The following PREX1 variants were observed in gnomAD, a reference collection of about 807,000 sequenced individuals.
PREX1 encodes the protein phosphatidylinositol 3,4,5-trisphosphate-dependent Rac exchanger 1 protein.
In PREX1, 41 loss-of-function variants were observed where a neutral mutation model predicts 198.3. That is an observed-to-expected ratio of 0.21 (90% CI 0.16 to 0.27). The LOEUF is 0.27. PREX1 is among the 10% of genes least tolerant of loss of function. PREX1 has a pLI of 1.00. For missense variants in PREX1, 1,620 were observed against 2,200.7 expected, an observed-to-expected ratio of 0.74 and a Z score of 5.28; for synonymous variants, 843 against 887.2, an observed-to-expected ratio of 0.95 and a Z score of 0.89.
chr20:48,632,992 C>T (rs2089327846), intron 33 of PREX1, among the ~76,000 whole-genome samples: 1 of 152,238 alleles, frequency 6.6e-6, no homozygotes, highest in Non-Finnish European at 1.5e-5. Flanking sequence ...CCCCAGCGCT[C>T]CTTGTACCCT....
chr20:48,810,061 G>A lies in PREX1; in HGVS notation c.219+17581C>T, dbSNP rs180834170. 2.0e-3 allele frequency among the ~76,000 whole-genome samples: 300 copies of A among 152,280 alleles called. 5 individuals carry two copies. The highest frequency in any genetic ancestry group is 7.0e-3 in the African/African-American group (291 of 41,552). On this transcript the variant is annotated intron_variant, in intron 1 of 39. Transcript: ENST00000371941. ...CTATAGGAGCTGGGCAGGTAACAGG[G>A]AATGCTGTGCGCGGCTCCTTAGTAA...
At chr20:48,740,806 G>C (rs1285364973) in intron 3 of PREX1, among the ~76,000 whole-genome samples, 1 of 152,200 alleles carries the variant, frequency 6.6e-6, no homozygotes, top group Non-Finnish European at 1.5e-5. Flanking sequence ...GCTCAAGGAG[G>C]GTCTTAGCTG....
intron 13 of PREX1, 145 bp from the exon 14 acceptor site, chr20:48,676,413 A>G: frequency 1.4e-6 from 1 of 725,898 alleles, no homozygotes; most frequent in Non-Finnish European, 2.4e-6. Context: ...GTCTCAGCCC[A>G]GACTCCACAC....
intron 3 of PREX1, among the ~76,000 whole-genome samples, chr20:48,735,119 G>A (rs987131160): frequency 1.3e-5 from 2 of 152,212 alleles, no homozygotes; most frequent in African/African-American, 4.8e-5. Flanking sequence ...AAGGTCACCT[G>A]TGGGTCACTA....
chr20:48,633,902 T>A (rs1012168183), intron 33 of PREX1, among the ~76,000 whole-genome samples: 1 of 152,194 alleles, frequency 6.6e-6, no homozygotes, highest in African/African-American at 2.4e-5. Context: ...CCATGTTACA[T>A]GGCCCAAAAC....
intron 7 of PREX1, 27 bp downstream of exon 7, chr20:48,700,726 C>T (rs749646686): frequency 6.2e-7 from 1 of 1,611,746 alleles, no homozygotes; most frequent in African/African-American, 1.3e-5. Flanking sequence ...GCAGGCCAGA[C>T]CCCATCCCAG....
At chr20:48,806,572 G>A (rs1377937836) in intron 1 of PREX1, among the ~76,000 whole-genome samples, 1 of 152,210 alleles carries the variant, frequency 6.6e-6, no homozygotes, top group Non-Finnish European at 1.5e-5. Context: ...CTAGAAGGAA[G>A]GGATTACTAT....
At chr20:48,677,855 G>A (rs1420955151) in intron 13 of PREX1, among the ~76,000 whole-genome samples, 2 of 151,412 alleles carry the variant, frequency 1.3e-5, no homozygotes, top group Admixed American at 6.6e-5. Flanking sequence ...GCATGGTGGT[G>A]CATGCCTGTA....
chr20:48,742,144 C>A (rs1048387913), intron 3 of PREX1, among the ~76,000 whole-genome samples: 2 of 152,116 alleles, frequency 1.3e-5, no homozygotes, highest in Non-Finnish European at 2.9e-5. Context: ...GCTGGAAGGA[C>A]GGGAGCCCTG....
intron 2 of PREX1, among the ~76,000 whole-genome samples, chr20:48,745,517 T>G (rs903672502): frequency 1.3e-5 from 2 of 152,248 alleles, no homozygotes; most frequent in Admixed American, 6.5e-5. Context: ...ACATTTAGTA[T>G]GCAGACATTC....
chr20:48,815,741 T>C (rs1004567984), intron 1 of PREX1, among the ~76,000 whole-genome samples: 1 of 151,956 alleles, frequency 6.6e-6, no homozygotes, highest in Non-Finnish European at 1.5e-5. Flanking sequence ...CAGTGGCTCA[T>C]TGCCTGTAAT....
chr20:48,692,642 G>A (rs1156326644), intron 8 of PREX1, 30 bp downstream of exon 8: 2 of 1,562,220 alleles, frequency 1.3e-6, no homozygotes, highest in African/African-American at 2.9e-5. Context: ...GGCTCAGGCA[G>A]GGCTCAGGCA....
chr20:48,670,013 T>C (rs1423703808), intron 14 of PREX1, among the ~76,000 whole-genome samples: 2 of 152,160 alleles, frequency 1.3e-5, no homozygotes, highest in African/African-American at 4.8e-5. Context: ...TCAGACTGTA[T>C]GGTTGACCTG....
chr20:48,851,775 T>C, the PREX1 span, among the ~76,000 whole-genome samples: 3,959 of 152,146 alleles, frequency 0.026, 194 homozygotes, highest in African/African-American at 0.091. Flanking sequence ...TGCCTGATCG[T>C]CCGTAAATAT....
intron 1 of PREX1, among the ~76,000 whole-genome samples, chr20:48,785,423 G>A (rs984054425): frequency 3.6e-4 from 55 of 152,348 alleles, no homozygotes; most frequent in African/African-American, 1.2e-3. Context: ...GATGCTGAGC[G>A]CCACTGGTAC....
chr20:48,832,333 C>G (rs1435464671), upstream of PREX1, among the ~76,000 whole-genome samples: 1 of 152,182 alleles, frequency 6.6e-6, no homozygotes, highest in East Asian at 1.9e-4. Flanking sequence ...AAGCCCCTGT[C>G]AGCTTCTGCA....
At chr20:48,726,515 C>A in intron 4 of PREX1, 124 bp from the exon 5 acceptor site, 1 of 696,892 alleles carries the variant, frequency 1.4e-6, no homozygotes, top group Non-Finnish European at 2.5e-6. Flanking sequence ...TTTAGCGACC[C>A]GTAGAAGTGA....
At chr20:48,746,779 T>C (rs961219812) in intron 2 of PREX1, among the ~76,000 whole-genome samples, 1 of 152,144 alleles carries the variant, frequency 6.6e-6, no homozygotes, top group South Asian at 2.1e-4. Context: ...TAATTTTTTA[T>C]AAACTGTAAT....
chr20:48,802,893 C>G (rs555475170), intron 1 of PREX1, among the ~76,000 whole-genome samples: 3 of 152,208 alleles, frequency 2.0e-5, no homozygotes, highest in African/African-American at 7.2e-5. Flanking sequence ...GGCCCTGGCC[C>G]AAGCTGGGGA....
Sources: gnomAD v4.1 joint callset for allele counts (sites outside exome capture counted in the v4.1 genomes callset) on GRCh38, gnomAD v4.1.1 for gene constraint, MANE v1.5 for transcripts, NCBI Gene and HGNC (gene_info 2026-07-23, HGNC 2026-07-21) for gene names.